ATP8A1: variants seen among roughly 807,000 people sequenced by gnomAD.
ATP8A1 encodes the protein ATPase phospholipid transporting 8A1, also known as phospholipid-transporting ATPase IA.
A neutral mutation model predicts 177.7 loss-of-function variants in ATP8A1; 90 were observed. That is an observed-to-expected ratio of 0.51 (90% CI 0.43 to 0.60). The LOEUF (loss-of-function observed/expected upper bound fraction) is 0.60. Among genes scored for constraint, ATP8A1 ranks in the 20% least tolerant of loss-of-function variants. The pLI is 0.00. For missense variants in ATP8A1, 1,072 were observed against 1,392.8 expected (o/e 0.77, Z 3.67); for synonymous variants, 493 against 485.9 (o/e 1.01, Z -0.19).
chr4:42,483,043 T>A (rs543099931), intron 25 of ATP8A1, among the ~76,000 whole-genome samples: 2 of 152,306 alleles, frequency 1.3e-5, no homozygotes, highest in East Asian at 3.9e-4. Flanking sequence ...TGTAATCATC[T>A]GAGAAACGAG....
chr4:42,504,247 C>T (rs186096728), intron 23 of ATP8A1, among the ~76,000 whole-genome samples: 2 of 152,274 alleles, frequency 1.3e-5, no homozygotes, highest in African/African-American at 2.4e-5. Context: ...CCTTCCTGAA[C>T]TCCAGACTCT....
chr4:42,487,138 T>A (rs1444430260), intron 24 of ATP8A1, among the ~76,000 whole-genome samples: 1 of 152,188 alleles, frequency 6.6e-6, no homozygotes, highest in African/African-American at 2.4e-5. Flanking sequence ...ATGTTGTATT[T>A]AGTTGGGGAT....
intron 24 of ATP8A1, among the ~76,000 whole-genome samples, chr4:42,485,916 T>A (rs751881291): frequency 6.6e-6 from 1 of 152,348 alleles, no homozygotes; most frequent in African/African-American, 2.4e-5. Flanking sequence ...GACTAGACTA[T>A]AAGTCACCTG....
At chr4:42,576,495 A>AAAAAAAAAAAAAAAG in intron 12 of ATP8A1, among the ~76,000 whole-genome samples, 1 of 150,112 alleles carries the variant, frequency 6.7e-6, no homozygotes, top group South Asian at 2.1e-4. Flanking sequence ...AAAAAAAAAA[A>AAAAAAAAAAAAAAAG]AAAAAAAAAA....
chr4:42,638,713 A>G (rs924261454), intron 1 of ATP8A1, among the ~76,000 whole-genome samples: 1 of 152,246 alleles, frequency 6.6e-6, no homozygotes, highest in African/African-American at 2.4e-5. Context: ...GAAGAATTAA[A>G]TAGTATATTT....
intron 1 of ATP8A1, among the ~76,000 whole-genome samples, chr4:42,636,142 A>G (rs1456007062): frequency 0.04 from 1,292 of 32,358 alleles, 18 homozygotes; most frequent in African/African-American, 0.084. Flanking sequence ...ACACACACAC[A>G]CACACACACA....
At chr4:42,493,763 A>C (rs1422492883) in intron 24 of ATP8A1, among the ~76,000 whole-genome samples, 4 of 152,108 alleles carry the variant, frequency 2.6e-5, no homozygotes, top group Non-Finnish European at 5.9e-5. Context: ...TTGGGTTACT[A>C]TCTATTTTGT....
At chr4:42,574,947 C>A (rs897355043) in intron 13 of ATP8A1, among the ~76,000 whole-genome samples, 4 of 152,122 alleles carry the variant, frequency 2.6e-5, no homozygotes, top group African/African-American at 9.7e-5. Context: ...TAGACATATG[C>A]CTTAGTATGG....
At chr4:42,490,016 G>A (rs1029444887) in intron 24 of ATP8A1, among the ~76,000 whole-genome samples, 3 of 152,166 alleles carry the variant, frequency 2.0e-5, no homozygotes, top group South Asian at 2.1e-4. Context: ...ACATTGCAAG[G>A]TAAAGGCAAT....
At position 42,529,720 on chromosome 4, in the gene ATP8A1, C is replaced by T. The variant is rs1042892612; in HGVS notation, c.1723-4873G>A. ...TTCTGCACGATATGCAGGCACTACC[C>T]GAAAGTAGACAGCTGAAGCACGACA... On this transcript the variant is annotated intron_variant, in intron 20 of 36. Coordinates refer to ENST00000381668, the MANE Select transcript of ATP8A1 (RefSeq NM_006095.2). 7.4e-4 allele frequency among the ~76,000 whole-genome samples: 112 copies of T among 152,130 alleles called. 1 individual carries two copies. The highest frequency in any genetic ancestry group is 2.5e-4 in the Non-Finnish European group (17 of 68,026).
chr4:42,622,777 T>C (rs1372689089), intron 4 of ATP8A1, among the ~76,000 whole-genome samples: 1 of 152,100 alleles, frequency 6.6e-6, no homozygotes, highest in Non-Finnish European at 1.5e-5. Context: ...TGGGAGGACG[T>C]GGCAGGTGGA....
chr4:42,524,463 T>C (rs967882045), intron 21 of ATP8A1, among the ~76,000 whole-genome samples: 1 of 151,902 alleles, frequency 6.6e-6, no homozygotes, highest in South Asian at 2.1e-4. Flanking sequence ...AATGAATTGC[T>C]CGAGATACAA....
At position 42,470,230 on chromosome 4, in the gene ATP8A1, A is replaced by C. The variant is rs1003089841; in HGVS notation, c.2325-5154T>G. On this transcript the variant is annotated intron_variant, in intron 25 of 36. Coordinates refer to ENST00000381668, the MANE Select transcript of ATP8A1 (RefSeq NM_006095.2). ...TACAACCTAGACGTGCACTGAGTGC[A>C]ATATGCTTTTCAGATATTATTTTGG... 2.0e-5 allele frequency among the ~76,000 whole-genome samples: 3 copies of C among 152,348 alleles called. 1 individual carries two copies. The highest frequency in any genetic ancestry group is 6.8e-3 in the Middle Eastern group (2 of 294).
intron 24 of ATP8A1, among the ~76,000 whole-genome samples, chr4:42,487,640 T>TTA (rs1291735853): frequency 1.3e-5 from 2 of 152,066 alleles, no homozygotes; most frequent in Admixed American, 6.6e-5. Context: ...GCATGTCGTT[T>TTA]TATATATATA....
intron 20 of ATP8A1, among the ~76,000 whole-genome samples, chr4:42,530,279 G>A (rs577663997): frequency 7.9e-5 from 12 of 152,334 alleles, no homozygotes; most frequent in African/African-American, 2.9e-4. Context: ...GCAGAGACCA[G>A]CACTGAGCCC....
intron 18 of ATP8A1, among the ~76,000 whole-genome samples, chr4:42,550,314 G>A (rs1729378486): frequency 2.0e-5 from 3 of 151,270 alleles, no homozygotes; most frequent in African/African-American, 7.3e-5. Context: ...GTTCCATTGT[G>A]AGACTGTATC....
intron 29 of ATP8A1, among the ~76,000 whole-genome samples, chr4:42,453,548 C>T (rs562156874): frequency 5.9e-5 from 9 of 152,300 alleles, no homozygotes; most frequent in East Asian, 3.9e-4. Flanking sequence ...AGGAATGATG[C>T]TCCCACATTA....
At chr4:42,644,003 G>A (rs73170836) in intron 1 of ATP8A1, among the ~76,000 whole-genome samples, 89 of 152,316 alleles carry the variant, frequency 5.8e-4, no homozygotes, top group African/African-American at 2.0e-3. Context: ...GGTGGCTACC[G>A]TGTCATCTGG....
rs778438386 is a variant in ATP8A1, at chr4:42,524,852, AAAAC to A, written c.1723-9_1723-6del. 1.0e-5 allele frequency: 16 copies of A among 1,590,656 alleles called. No individual in the cohort carries two copies. In the East Asian group the frequency reaches 3.1e-4, roughly 31 times the overall value. ...TCGATCATAAATTACAGTGTCCTGG[AAAAC>A]AAACAGAGGGTAAAATGATTTAATT... On this transcript the variant is annotated splice_region_variant and splice_polypyrimidine_tract_variant and intron_variant, in intron 20 of 36. Transcript: ENST00000381668.
Sources: gnomAD v4.1 joint callset for allele counts (sites outside exome capture counted in the v4.1 genomes callset) on GRCh38, gnomAD v4.1.1 for gene constraint, MANE v1.5 for transcripts, NCBI Gene and HGNC (gene_info 2026-07-23, HGNC 2026-07-21) for gene names.